The following ERICH1 variants were observed in gnomAD, a reference collection of about 807,000 sequenced individuals.
ERICH1 encodes glutamate rich 1.
In ERICH1, 56 loss-of-function variants were observed where a neutral mutation model predicts 39.6. The ratio of observed to expected loss-of-function variants is 1.41; its 90% CI spans 1.14 to 1.77. The LOEUF (loss-of-function observed/expected upper bound fraction) is 1.77, where lower values mean the gene tolerates loss of function less well. Among genes scored for constraint, ERICH1 ranks in the 40% most tolerant of loss-of-function variants. ERICH1 has a pLI of 0.00. For missense variants in ERICH1, 826 were observed against 575.4 expected (o/e 1.44, Z -4.45); for synonymous variants, 313 against 223.6 (o/e 1.40, Z -3.57).
At chr8:726,554 C>T (rs1312698558) in intron 1 of ERICH1, among the ~76,000 whole-genome samples, 5 of 151,550 alleles carry the variant, frequency 3.3e-5, no homozygotes, top group East Asian at 1.9e-4. Flanking sequence ...CACACAGACA[C>T]GTGTACACAG....
rs1817622251 is a variant in ERICH1 at position 722,758 on chromosome 8, A to C, written c.23-6751T>G. On this transcript the variant is annotated intron_variant, in intron 1 of 5. Transcript: ENST00000262109. Reference sequence around the variant, plus strand: ...TGTTGGAAAAGTGTGACTTTCAGAGAAAATACGTGTACAGCTTATTTGGGA... The same window carrying C: ...TGTTGGAAAAGTGTGACTTTCAGAGCAAATACGTGTACAGCTTATTTGGGA... 1.3e-5 allele frequency among the ~76,000 whole-genome samples: 2 copies of C among 152,218 alleles called. 1 individual carries two copies. The highest frequency in any genetic ancestry group is 4.1e-4 in the South Asian group (2 of 4,832).
At chr8:716,903 C>T (rs1816133008) in intron 1 of ERICH1, among the ~76,000 whole-genome samples, 1 of 152,166 alleles carries the variant, frequency 6.6e-6, no homozygotes, top group Non-Finnish European at 1.5e-5. Context: ...TAGCTGAAGG[C>T]ACAAATCCTT....
At chr8:701,413 G>A (rs765404001) in intron 2 of ERICH1, among the ~76,000 whole-genome samples, 2 of 151,988 alleles carry the variant, frequency 1.3e-5, no homozygotes, top group African/African-American at 2.4e-5. Flanking sequence ...ACGGGAGCAC[G>A]CCTTACCCAC....
At chr8:640,867 ATTG>A (rs747473663) in intron 3 of ERICH1, 7 of 152,210 alleles carry the variant, frequency 4.6e-5, no homozygotes, top group Admixed American at 6.5e-5. Context: ...AATATTAGAA[ATTG>A]TTAATTTTCT....
chr8:727,589 G>A (rs994678929), intron 1 of ERICH1, among the ~76,000 whole-genome samples: 2 of 152,236 alleles, frequency 1.3e-5, no homozygotes, highest in African/African-American at 2.4e-5. Context: ...GCGTGCAGCA[G>A]TCACAGCAAG....
chr8:692,192 G>C (rs1585353569), intron 3 of ERICH1, among the ~76,000 whole-genome samples: 1 of 152,172 alleles, frequency 6.6e-6, no homozygotes, highest in East Asian at 1.9e-4. Context: ...TATGTATTTA[G>C]TTCCAGGGTA....
chr8:706,757 T>A (rs925211671), intron 2 of ERICH1, among the ~76,000 whole-genome samples: 4 of 151,758 alleles, frequency 2.6e-5, no homozygotes, highest in African/African-American at 9.7e-5. Flanking sequence ...GCAACAAGAG[T>A]GAAACTCCAT....
At chr8:618,739 A>C (rs1295839922) in intron 3 of ERICH1, among the ~76,000 whole-genome samples, 2 of 152,174 alleles carry the variant, frequency 1.3e-5, no homozygotes, top group African/African-American at 4.8e-5. Context: ...ATTGTGCTTA[A>C]ACCTGGTGTC....
intron 3 of ERICH1, among the ~76,000 whole-genome samples, chr8:689,566 C>T (rs1198699063): frequency 6.6e-6 from 1 of 152,204 alleles, no homozygotes; most frequent in Non-Finnish European, 1.5e-5. Context: ...GGAAGGTGCA[C>T]CACCATGCAA....
intron 2 of ERICH1, among the ~76,000 whole-genome samples, chr8:715,102 T>A (rs902115079): frequency 6.6e-6 from 1 of 151,924 alleles, no homozygotes; most frequent in Non-Finnish European, 1.5e-5. Context: ...CTCAGTGGGA[T>A]GTGTTACATC....
rs144139797 is a variant in ERICH1, at chr8:673,319, T to A, written c.1033A>T (p.Lys345Ter). ...TAAAAATACATTTCCTGTGTTGACT[T>A]CAAAAAATTTAGAATACTGTGTGCC... ...EKAHSILNFL[K>*]STQEMYFYDG... The change falls in exon 4 of 6, where the codon AAG becomes TAG. Residue 345 changes from lysine (K) to a stop codon, truncating the protein, a stop_gained. Transcript: ENST00000262109. LOFTEE classifies it high-confidence loss of function. 5.0e-6 allele frequency: 8 copies of A among 1,609,016 alleles called. No homozygotes were observed. The African/African-American group carries it at 1.1e-4, about 21-fold the overall frequency.
At chr8:626,959 G>C (rs749431572) in intron 3 of ERICH1, 39 of 374,128 alleles carry the variant, frequency 1.0e-4, no homozygotes, top group Non-Finnish European at 1.8e-4. Context: ...CCCAACCCGA[G>C]CTGTGCCGTG....
intron 3 of ERICH1, among the ~76,000 whole-genome samples, chr8:619,276 C>T (rs1026112721): frequency 2.0e-5 from 3 of 152,036 alleles, no homozygotes; most frequent in Non-Finnish European, 2.9e-5. Context: ...ACAAGGAGGC[C>T]CCGGTGAGAC....
At chr8:656,369 T>C (rs1298234106) in intron 3 of ERICH1, among the ~76,000 whole-genome samples, 1 of 152,206 alleles carries the variant, frequency 6.6e-6, no homozygotes, top group Non-Finnish European at 1.5e-5. Context: ...ACCCAGTGAT[T>C]TTAACATCCG....
At chr8:673,219 T>C in intron 4 of ERICH1, 70 bp downstream of exon 4, 1 of 1,479,172 alleles carries the variant, frequency 6.8e-7, no homozygotes, top group Non-Finnish European at 9.1e-7. Context: ...ATTTAAGCAT[T>C]ATATTTGTTT....
At position 673,655 on chromosome 8, in the gene ERICH1, C is replaced by G. The variant is rs1803979434; in HGVS notation, c.697G>C (p.Asp233His). The G allele has an allele frequency of 1.2e-6, 2 of 1,613,038 alleles. No individual in the cohort carries two copies. The highest frequency in any genetic ancestry group is 4.5e-5 in the East Asian group (2 of 44,844). The change falls in exon 4 of 6, where the codon GAT becomes CAT. Residue 233 changes from aspartate (D) to histidine (H), a missense_variant. Coordinates refer to ENST00000262109, the MANE Select transcript of ERICH1 (RefSeq NM_207332.3). ...TCTTCCTCGCTAGCGTCCGCACCAT[C>G]TTCCTCCCTGGTATCTTTAACGTCT... ...EEDVKDTREE[D>H]GADASEEDLT...
chr8:722,057 C>T (rs550442843), intron 1 of ERICH1, among the ~76,000 whole-genome samples: 3 of 152,126 alleles, frequency 2.0e-5, no homozygotes, highest in Admixed American at 6.5e-5. Flanking sequence ...GCAGTCACGA[C>T]GACTCCGTGT....
chr8:701,516 G>C lies in ERICH1; in HGVS notation c.170-8904C>G, dbSNP rs1411190873. On this transcript the variant is annotated intron_variant, in intron 2 of 5. Transcript: ENST00000262109. ...GGCTGAGCCACAGACGCAGGCCCAG[G>C]ACAGAGCCGCTGCCACAGGGAATGG... Among the ~76,000 whole-genome samples, 3 of 152,212 alleles carry C rather than the reference G, an allele frequency of 2.0e-5. No individual in the cohort carries two copies. In the East Asian group the frequency reaches 5.8e-4, roughly 29 times the overall value.
intron 1 of ERICH1, among the ~76,000 whole-genome samples, chr8:728,669 A>C (rs1405002587): frequency 6.6e-6 from 1 of 152,188 alleles, no homozygotes; most frequent in African/African-American, 2.4e-5. Flanking sequence ...ACCCTCTTCA[A>C]TTAGGAGAGC....
Sources: gnomAD v4.1 joint callset for allele counts (sites outside exome capture counted in the v4.1 genomes callset) on GRCh38, gnomAD v4.1.1 for gene constraint, MANE v1.5 for transcripts, NCBI Gene and HGNC (gene_info 2026-07-23, HGNC 2026-07-21) for gene names.